ABHD2: variants seen among roughly 807,000 people sequenced by gnomAD.
ABHD2 encodes abhydrolase domain containing 2, acylglycerol lipase, also known as monoacylglycerol lipase ABHD2.
Under a neutral mutation model 48.1 loss-of-function variants are expected in ABHD2, and 20 were observed. The ratio of observed to expected loss-of-function variants is 0.42; its 90% CI spans 0.29 to 0.60. The LOEUF (loss-of-function observed/expected upper bound fraction) is 0.60. Ranked by LOEUF, ABHD2 falls within the 20% of genes least tolerant of loss-of-function variation. The pLI, the probability that ABHD2 is intolerant of heterozygous loss-of-function variation, is 0.24. For synonymous variants in ABHD2, 209 were observed against 214.2 expected (o/e 0.98, Z 0.21); for missense variants, 405 against 550.9 (o/e 0.74, Z 2.65).
chr15:89,136,610 A>T (rs573860809), intron 3 of ABHD2: 2 of 179,942 alleles, frequency 1.1e-5, no homozygotes, highest in East Asian at 3.3e-4. Context: ...TGATATCGGG[A>T]GCCAGGTGCA....
intron 1 of ABHD2, among the ~76,000 whole-genome samples, chr15:89,107,251 G>C (rs1488010223): frequency 6.6e-6 from 1 of 152,142 alleles, no homozygotes; most frequent in African/African-American, 2.4e-5. Context: ...GGGACATGAT[G>C]ATCACCACTT....
At chr15:89,135,043 T>G (rs997532288) in intron 3 of ABHD2, among the ~76,000 whole-genome samples, 1 of 152,100 alleles carries the variant, frequency 6.6e-6, no homozygotes, top group Non-Finnish European at 1.5e-5. Flanking sequence ...ATCCTTAAAG[T>G]CATCTCTTGA....
the ABHD2 span, among the ~76,000 whole-genome samples, chr15:89,071,709 C>T: frequency 6.6e-6 from 1 of 152,184 alleles, no homozygotes; most frequent in Non-Finnish European, 1.5e-5. Context: ...GGGTTGGCCA[C>T]TCCCAGATTC....
At chr15:89,101,448 G>T (rs559832612) in intron 1 of ABHD2, among the ~76,000 whole-genome samples, 1 of 152,130 alleles carries the variant, frequency 6.6e-6, no homozygotes, top group Non-Finnish European at 1.5e-5. Flanking sequence ...GTACCTCTCC[G>T]CCCAATGTAA....
the ABHD2 span, among the ~76,000 whole-genome samples, chr15:89,070,848 G>A: frequency 1.3e-5 from 2 of 152,098 alleles, no homozygotes; most frequent in African/African-American, 2.4e-5. Flanking sequence ...TCTAGATTAG[G>A]TCTTAGTCCT....
chr15:89,149,221 AC>A (rs2050550034), intron 3 of ABHD2, among the ~76,000 whole-genome samples: 1 of 149,452 alleles, frequency 6.7e-6, no homozygotes, highest in South Asian at 2.2e-4. Context: ...CCTAACACAC[AC>A]ACACACACAC....
intron 3 of ABHD2, among the ~76,000 whole-genome samples, chr15:89,124,616 A>G (rs1267817877): frequency 1.3e-5 from 2 of 152,184 alleles, no homozygotes; most frequent in African/African-American, 4.8e-5. Flanking sequence ...TAAATTCCTA[A>G]TTGCCAAGAG....
chr15:89,127,657 C>T (rs1188411754), intron 3 of ABHD2, among the ~76,000 whole-genome samples: 1 of 147,260 alleles, frequency 6.8e-6, no homozygotes, highest in Admixed American at 6.7e-5. Context: ...CTTTTCCTTC[C>T]TTGGGATTTG....
At position 89,100,737 on chromosome 15, in the gene ABHD2, C is replaced by T. The variant is rs773552693; in HGVS notation, c.-107+12174C>T. 1.3e-5 allele frequency among the ~76,000 whole-genome samples: 2 copies of T among 151,908 alleles called. No homozygotes were observed. Among genetic ancestry groups the T allele is most frequent in the Admixed American group, 6.6e-5 (1 of 15,250 alleles). ...ACAAAAAATTAGCCAGGTGTGGTGG[C>T]GGGCACCTGTAATACCAGCTACTCG... On this transcript the variant is annotated intron_variant, in intron 1 of 10. Transcript: ENST00000352732. This position sits in a 1 kb window ranked among gnomAD's most constrained non-coding sequence, Gnocchi z 4.4.
rs746919781 is a variant in ABHD2 at position 89,173,151 on chromosome 15, T to C, written c.539-2661T>C. Among the ~76,000 whole-genome samples, 2 of 152,262 alleles carry C rather than the reference T, an allele frequency of 1.3e-5. No homozygotes were observed. Among genetic ancestry groups the C allele is most frequent in the Non-Finnish European group, 2.9e-5 (2 of 68,044 alleles). ...TTTATTTGTTGCGTGGTGTAGAAGC[T>C]GATATCAGCTAATTGCTCATTGTGC... is the stretch of plus-strand genomic sequence containing the variant. On this transcript the variant is annotated intron_variant, in intron 5 of 10. Transcript: ENST00000352732. This position sits in a 1 kb window ranked among gnomAD's most constrained non-coding sequence, Gnocchi z 6.5.
intron 10 of ABHD2, among the ~76,000 whole-genome samples, chr15:89,194,752 ATT>A (rs2150957451): frequency 6.6e-6 from 1 of 152,300 alleles, no homozygotes; most frequent in East Asian, 1.9e-4. Flanking sequence ...CAAAATCCGC[ATT>A]TTAATAAGAT....
rs1193739630 is a variant in ABHD2 at position 89,200,863 on chromosome 15, C to T, written c.*5440C>T. On this transcript the variant is annotated 3_prime_UTR_variant, in exon 11 of 11. Coordinates refer to ENST00000352732, the MANE Select transcript of ABHD2 (RefSeq NM_152924.5). ...TTTGGAGGCCGAGGCGGGTAGATCA[C>T]CTGAGGTTAGGAGTTCAAGACCAGC... 2.9e-6 allele frequency: 1 copy of T among 343,330 alleles called. No individual in the cohort carries two copies. The highest frequency in any genetic ancestry group is 5.4e-6 in the Non-Finnish European group (1 of 184,410). The allele number at this position is 343,330 out of a possible 1,614,324, so 21.3% of individuals were successfully genotyped here.
Position 89,174,969 on chromosome 15 carries a change from C to G in ABHD2, c.539-843C>G, listed in dbSNP as rs199778247. 4.6e-5 allele frequency among the ~76,000 whole-genome samples: 7 copies of G among 152,184 alleles called. No individual in the cohort carries two copies. The East Asian group carries it at 7.7e-4, about 17-fold the overall frequency. On this transcript the variant is annotated intron_variant, in intron 5 of 10. Coordinates refer to ENST00000352732, the MANE Select transcript of ABHD2 (RefSeq NM_152924.5). This position sits in a 1 kb window ranked among gnomAD's most constrained non-coding sequence, Gnocchi z 4.1. ...TCTCATCTGTGTATTTTTGAATGAGCCTGCCTCCCTTGGCACCCTGTCCCT... is the reference window on the plus strand; with the variant it reads ...TCTCATCTGTGTATTTTTGAATGAGGCTGCCTCCCTTGGCACCCTGTCCCT...
rs2049922288 is a variant in ABHD2 at position 89,114,346 on chromosome 15, A to G, written c.-7+522A>G. Among the ~76,000 whole-genome samples the G allele has an allele frequency of 6.6e-6, 1 of 152,144 alleles. No homozygotes were observed. The highest frequency in any genetic ancestry group is 6.5e-5 in the Admixed American group (1 of 15,274). ...TCACATGATTTCAGGGGGTTCTTAG[A>G]CCGCAGGATCCCACAGGGAACCCAC... On this transcript the variant is annotated intron_variant, in intron 2 of 10. Transcript: ENST00000352732. This position sits in a 1 kb window ranked among gnomAD's most constrained non-coding sequence, Gnocchi z 4.2.
intron 5 of ABHD2, among the ~76,000 whole-genome samples, chr15:89,162,616 T>C (rs1447345068): frequency 6.6e-6 from 1 of 152,112 alleles, no homozygotes; most frequent in Non-Finnish European, 1.5e-5. Flanking sequence ...TTGGCTTCTC[T>C]TTGTCACTCA....
rs2150942893 is a variant in ABHD2, at chr15:89,184,565, G to A, written c.723-859G>A. On this transcript the variant is annotated intron_variant, in intron 6 of 10. Coordinates refer to ENST00000352732, the MANE Select transcript of ABHD2 (RefSeq NM_152924.5). This position sits in a 1 kb window ranked among gnomAD's most constrained non-coding sequence, Gnocchi z 5.1. ...GAGTGGGGAGGGCTGGGCAGGCATG[G>A]CTGGTGGGAGTGAGCCCACTGGTGT... Among the ~76,000 whole-genome samples, 1 of 152,338 alleles carries A rather than the reference G, an allele frequency of 6.6e-6. No individual in the cohort carries two copies. Among genetic ancestry groups the A allele is most frequent in the East Asian group, 1.9e-4 (1 of 5,184 alleles).
chr15:89,139,004 C>A lies in ABHD2; in HGVS notation c.195-12673C>A, dbSNP rs1320237114. On this transcript the variant is annotated intron_variant, in intron 3 of 10. Coordinates refer to ENST00000352732, the MANE Select transcript of ABHD2 (RefSeq NM_152924.5). ...GCTGAGGTGGGAGGATTGCTTGAGCCCGGGAGATCAAGACCAGCCCTGGCG... is the reference window on the plus strand; with the variant it reads ...GCTGAGGTGGGAGGATTGCTTGAGCACGGGAGATCAAGACCAGCCCTGGCG... Among the ~76,000 whole-genome samples, 3 of 147,302 alleles carry A rather than the reference C, an allele frequency of 2.0e-5. No homozygotes were observed. The East Asian group carries it at 5.8e-4, about 29-fold the overall frequency.
In ABHD2 at chr15:89,198,076, C is replaced by T. The variant is rs977854290; in HGVS notation, c.*2653C>T. On this transcript the variant is annotated 3_prime_UTR_variant, in exon 11 of 11. Transcript: ENST00000352732. The surrounding 1 kb of genome is among the most constrained non-coding windows in gnomAD (Gnocchi z 5.1). ...TATAGATAGGTCATCTTTTTTCCTT[C>T]CTCCAGGTGTCCTTGCCTTTCTTCC... The T allele has an allele frequency of 6.6e-6, 1 of 152,164 alleles. No individual in the cohort carries two copies. Among genetic ancestry groups the T allele is most frequent in the African/African-American group, 2.4e-5 (1 of 41,436 alleles). The allele number at this position is 152,164 out of a possible 1,614,324, so 9.4% of individuals were successfully genotyped here.
Position 89,190,483 on chromosome 15 carries a change from A to T in ABHD2, c.927-597A>T, listed in dbSNP as rs367903688. Among the ~76,000 whole-genome samples, 4 of 152,142 alleles carry T rather than the reference A, an allele frequency of 2.6e-5. No individual in the cohort carries two copies. In the East Asian group the frequency reaches 7.7e-4, roughly 29 times the overall value. ...TGTTACCTAATACATATTTTATTCC[A>T]ATTCACGGTGGTCCTGTTACTCCAC... On this transcript the variant is annotated intron_variant, in intron 8 of 10. Transcript: ENST00000352732.
Sources: allele counts gnomAD v4.1 joint callset (sites outside exome capture counted in the v4.1 genomes callset), GRCh38; gene constraint gnomAD v4.1.1; non-coding constraint Gnocchi (gnomAD v3.1); transcripts MANE v1.5; gene names NCBI Gene and HGNC (gene_info 2026-07-23, HGNC 2026-07-21).